HYPK: variants seen among roughly 807,000 people sequenced by gnomAD.
The protein encoded by HYPK is huntingtin-interacting protein K.
In HYPK, 9 loss-of-function variants were observed where a neutral mutation model predicts 13.9. That is an observed-to-expected ratio of 0.65 (90% CI 0.39 to 1.13). The LOEUF (loss-of-function observed/expected upper bound fraction) is 1.13, where lower values mean the gene tolerates loss of function less well. Ranked by LOEUF, HYPK falls within the 50% of genes most tolerant of loss-of-function variation. HYPK has a pLI of 0.01. For missense variants in HYPK, 138 were observed against 157.6 expected, an observed-to-expected ratio of 0.88 and a Z score of 0.67; for synonymous variants, 76 against 57.0, an observed-to-expected ratio of 1.33 and a Z score of -1.50.
chr15:43,801,566 A>G lies in HYPK; in HGVS notation c.267A>G (p.Leu89=), dbSNP rs772386491. 12 of 1,613,764 alleles carry G rather than the reference A, an allele frequency of 7.4e-6. No individual in the cohort carries two copies. The African/African-American group carries it at 1.6e-4, about 22-fold the overall frequency. ...CTATCAAGAAGGAAGATCTGGAGCT[A>G]ATAGTGAGTGGTAGTGCCTAACTAG... is the stretch of plus-strand genomic sequence containing the variant. The part of the protein sequence containing the change: ...KVTIKKEDLE[L]IMTEMEISRA... Residue 89 remains leucine (L), a synonymous_variant, in exon 3 of 4, where the codon CTA becomes CTG. Transcript: ENST00000442995.
intron 1 of HYPK, 44 bp from the exon 2 acceptor site, chr15:43,801,087 GA>G (rs2087308499): frequency 6.5e-7 from 1 of 1,531,010 alleles, no homozygotes; most frequent in East Asian, 2.2e-5. Flanking sequence ...AGATTATTGG[GA>G]ATTGTGGGTA....
In HYPK at chr15:43,801,111, C is replaced by T. The variant is rs763268519; in HGVS notation, c.163-21C>T. The T allele has an allele frequency of 6.2e-6, 10 of 1,610,368 alleles. No individual in the cohort carries two copies. In the East Asian group the frequency reaches 2.0e-4, roughly 32 times the overall value. On this transcript the variant is annotated intron_variant, in intron 1 of 3. Coordinates refer to ENST00000442995, the MANE Select transcript of HYPK (RefSeq NM_016400.4). ...GGAATTGTGGGTAGCGGTGCAGTAA[C>T]TAGACCTGCCTTTCCCATAGGCCAT... is the stretch of plus-strand genomic sequence containing the variant.
chr15:43,800,842 T>C (rs150585298), intron 1 of HYPK, 58 bp downstream of exon 1: 24,695 of 1,471,218 alleles, frequency 0.017, 313 homozygotes, highest in Non-Finnish European at 0.021. Context: ...GCTCTGAGGC[T>C]GTAGCTGGAA....
rs574818581 is a variant in HYPK, at chr15:43,804,128, CCT to C, written c.*2323_*2324del. Among the ~76,000 whole-genome samples, 24 of 152,142 alleles carry C rather than the reference CCT, an allele frequency of 1.6e-4. No homozygotes were observed. The highest frequency in any genetic ancestry group is 2.1e-4 in the South Asian group (1 of 4,820). ...ACAAAAAAAAAACCCTGCAACGGCC[CCT>C]GAGTCTGCTGTAAGGACACTCAAAT... is the stretch of plus-strand genomic sequence containing the variant. On this transcript the variant is annotated 3_prime_UTR_variant, in exon 4 of 4. Transcript: ENST00000442995.
In HYPK at chr15:43,802,891, CAA is replaced by C. The variant is rs1567174500; in HGVS notation, c.*1090_*1091del. Reference sequence around the variant, plus strand: ...CGAGACTGTCTCAAAAACAAAACAACAAAAAAGAATTTAGGGGCCAGGCATGG... The same window carrying C: ...CGAGACTGTCTCAAAAACAAAACAACAAAAGAATTTAGGGGCCAGGCATGG... On this transcript the variant is annotated 3_prime_UTR_variant, in exon 4 of 4. Transcript: ENST00000442995. 6.6e-6 allele frequency: 1 copy of C among 151,566 alleles called. No homozygotes were observed. The highest frequency in any genetic ancestry group is 2.0e-4 in the East Asian group (1 of 5,120). 9.4% of individuals were successfully genotyped at this position (151,566 alleles called of 1,614,324 possible). A position where few individuals can be genotyped will look rare whatever the true frequency, so the allele number is the denominator to read the frequency against.
Position 43,803,972 on chromosome 15 carries a change from G to A in HYPK, c.*2166G>A, listed in dbSNP as rs1321594230. ...TCAAGACCATCCTGGCTAACATGGT[G>A]AAACCCCGTCTCTACTAAAAATACA... is the stretch of plus-strand genomic sequence containing the variant. On this transcript the variant is annotated 3_prime_UTR_variant, in exon 4 of 4. Transcript: ENST00000442995. 2.6e-5 allele frequency among the ~76,000 whole-genome samples: 4 copies of A among 151,558 alleles called. No homozygotes were observed. In the East Asian group the frequency reaches 5.8e-4, roughly 22 times the overall value.
rs755351269 is a variant in HYPK, at chr15:43,801,983, G to A, written c.*177G>A. 6.6e-6 allele frequency: 4 copies of A among 609,778 alleles called. No homozygotes were observed. The highest frequency in any genetic ancestry group is 2.0e-5 in the South Asian group (1 of 49,702). 37.8% of individuals were successfully genotyped at this position (609,778 alleles called of 1,614,324 possible). A position where few individuals can be genotyped will look rare whatever the true frequency, so the allele number is the denominator to read the frequency against. On this transcript the variant is annotated 3_prime_UTR_variant, in exon 4 of 4. Transcript: ENST00000442995. ...TGACCCATTAAAATCTAGCACACCT[G>A]TATGAAAAATCAGTGTAGAAGAATA... is the stretch of plus-strand genomic sequence containing the variant.
Position 43,803,089 on chromosome 15 carries a change from G to GA in HYPK, c.*1285dup, listed in dbSNP as rs758020882. The GA allele has an allele frequency of 2.6e-5, 4 of 151,862 alleles. No individual in the cohort carries two copies. The highest frequency in any genetic ancestry group is 5.9e-5 in the Non-Finnish European group (4 of 67,966). The allele number at this position is 151,862 out of a possible 1,614,324, so 9.4% of individuals were successfully genotyped here. ...TGAGGGTTAGAACATGGTAAGACTAGAAGATATCAAAGGTTGGGCCAGGTG... is the reference window on the plus strand; with the variant it reads ...TGAGGGTTAGAACATGGTAAGACTAGAAAGATATCAAAGGTTGGGCCAGGTG... On this transcript the variant is annotated 3_prime_UTR_variant, in exon 4 of 4. Coordinates refer to ENST00000442995, the MANE Select transcript of HYPK (RefSeq NM_016400.4).
chr15:43,801,412 A>G (rs1483637882), intron 2 of HYPK, 106 bp from the exon 3 acceptor site: 7 of 1,033,336 alleles, frequency 6.8e-6, no homozygotes, highest in Non-Finnish European at 1.0e-5. Context: ...TTTTCAATCA[A>G]GGGTTTATCA....
At chr15:43,800,848 T>A in intron 1 of HYPK, 64 bp downstream of exon 1, 1 of 1,435,306 alleles carries the variant, frequency 7.0e-7, no homozygotes, top group Non-Finnish European at 9.4e-7. Context: ...AGGCTGTAGC[T>A]GGAAGCCAGC....
At position 43,801,176 on chromosome 15, in the gene HYPK, C is replaced by A. The variant is rs770159641; in HGVS notation, c.207C>A (p.Ala69=). The change falls in exon 2 of 4, where the codon GCC becomes GCA. Residue 69 remains alanine (A), a synonymous_variant. Transcript: ENST00000442995. ...IGDRRSREQK[A]KQEREKELAK... ...ACAGAAGGTCCCGGGAGCAGAAAGCCAAACAGGAGCGGTAAGTCTTCAGGG... is the reference window on the plus strand; with the variant it reads ...ACAGAAGGTCCCGGGAGCAGAAAGCAAAACAGGAGCGGTAAGTCTTCAGGG... 1.2e-6 allele frequency: 2 copies of A among 1,613,954 alleles called. No individual in the cohort carries two copies. Among genetic ancestry groups the A allele is most frequent in the Non-Finnish European group, 1.7e-6 (2 of 1,179,878 alleles).
rs1457275633 is a variant in HYPK, at chr15:43,800,748, A to G, written c.126A>G (p.Ala42=). The G allele has an allele frequency of 1.2e-6, 2 of 1,613,660 alleles. No homozygotes were observed. Among genetic ancestry groups the G allele is most frequent in the Non-Finnish European group, 1.7e-6 (2 of 1,179,876 alleles). The stretch of plus-strand genomic sequence containing the variant: ...ACTTGGAGCGGGTCACCGACTATGC[A>G]GAGGAGAAGGAGATCCAGAGTTCCA... ...AADLERVTDY[A]EEKEIQSSNL... Residue 42 remains alanine (A), a synonymous_variant, in exon 1 of 4, where the codon GCA becomes GCG. Transcript: ENST00000442995.
upstream of HYPK, chr15:43,800,555 C>A (rs766036819): frequency 1.2e-6 from 2 of 1,603,442 alleles, no homozygotes; most frequent in Non-Finnish European, 1.7e-6. Context: ...CCTCCCCGGG[C>A]GGAAGCTGTG....
In HYPK at chr15:43,801,045, C is replaced by G. The variant is rs1368956430; in HGVS notation, c.163-87C>G. On this transcript the variant is annotated intron_variant, in intron 1 of 3. Coordinates refer to ENST00000442995, the MANE Select transcript of HYPK (RefSeq NM_016400.4). The stretch of plus-strand genomic sequence containing the variant: ...CTGGTAACACTTGTCATCGTGAATC[C>G]ATGCATGAACCGCTTGTTTTGTTGG... 3 of 1,166,130 alleles carry G rather than the reference C, an allele frequency of 2.6e-6. No individual in the cohort carries two copies. In the Admixed American group the frequency reaches 5.1e-5, roughly 20 times the overall value. 72.2% of individuals were successfully genotyped at this position (1,166,130 alleles called of 1,614,324 possible). A position where few individuals can be genotyped will look rare whatever the true frequency, so the allele number is the denominator to read the frequency against.
At position 43,800,760 on chromosome 15, in the gene HYPK, G is replaced by C; in HGVS notation, c.138G>C (p.Glu46Asp). ...TCACCGACTATGCAGAGGAGAAGGA[G>C]ATCCAGAGTTCCAATCTGGAGACGG... ...ERVTDYAEEK[E>D]IQSSNLETAM... Residue 46 changes from glutamate to aspartate, a missense_variant, in exon 1 of 4, where the codon GAG becomes GAC. Glu to Asp is a conservative substitution (Grantham distance 45, BLOSUM62 2). Coordinates refer to ENST00000442995, the MANE Select transcript of HYPK (RefSeq NM_016400.4). The C allele has an allele frequency of 1.2e-6, 2 of 1,612,646 alleles. No individual in the cohort carries two copies. The highest frequency in any genetic ancestry group is 1.7e-6 in the Non-Finnish European group (2 of 1,179,218).
At chr15:43,801,063 T>A in intron 1 of HYPK, 69 bp from the exon 2 acceptor site, 1 of 1,378,328 alleles carries the variant, frequency 7.3e-7, no homozygotes, top group Non-Finnish European at 1.0e-6. Flanking sequence ...AACCGCTTGT[T>A]TTGTTGGCCT....
At chr15:43,800,551 C>T, upstream of HYPK, 1 of 1,598,608 alleles carries the variant, frequency 6.3e-7, no homozygotes. Context: ...GCCTCCTCCC[C>T]GGGCGGAAGC....
At chr15:43,801,371 C>G in intron 2 of HYPK, 147 bp from the exon 3 acceptor site, 1 of 857,368 alleles carries the variant, frequency 1.2e-6, no homozygotes, top group Non-Finnish European at 1.8e-6. Flanking sequence ...GCCAAGACTC[C>G]AGGGGAAAGG....
chr15:43,800,828 G>T (rs1191186729), intron 1 of HYPK, 44 bp downstream of exon 1: 4 of 1,525,404 alleles, frequency 2.6e-6, no homozygotes, highest in East Asian at 2.3e-5. Flanking sequence ...GAGAGCAGAG[G>T]GGGGCTCTGA....
Sources: gnomAD v4.1 joint callset for allele counts (sites outside exome capture counted in the v4.1 genomes callset) on GRCh38, gnomAD v4.1.1 for gene constraint, MANE v1.5 for transcripts, NCBI Gene and HGNC (gene_info 2026-07-23, HGNC 2026-07-21) for gene names.